Variants in LIMCH1 observed in about 807,000 individuals in gnomAD.
The protein encoded by LIMCH1 is LIM and calponin homology domains-containing protein 1.
LIMCH1 carries 113 observed loss-of-function variants against 176.5 expected under a neutral mutation model. The observed-to-expected ratio is 0.64, with a 90% CI of 0.55 to 0.75. The LOEUF is 0.75. Among genes scored for constraint, LIMCH1 ranks in the 30% least tolerant of loss-of-function variants. The pLI is 0.00. For synonymous variants in LIMCH1, 619 were observed against 645.9 expected (o/e 0.96, Z 0.63); for missense variants, 1,674 against 1,814.9 (o/e 0.92, Z 1.41).
intron 1 of LIMCH1, among the ~76,000 whole-genome samples, chr4:41,384,452 C>T (rs1302536354): frequency 1.3e-5 from 2 of 152,110 alleles, no homozygotes; most frequent in Admixed American, 1.3e-4. Context: ...TGGTGATCCA[C>T]CCGCCTCGGC....
chr4:41,524,553 T>C, intron 3 of LIMCH1: 1 of 1,057,452 alleles, frequency 9.5e-7, no homozygotes, highest in Non-Finnish European at 1.5e-6. Context: ...GCACCATTTA[T>C]TACAGTTCTC....
At chr4:41,389,306 GC>G (rs1179249321) in intron 1 of LIMCH1, 4 of 152,366 alleles carry the variant, frequency 2.6e-5, no homozygotes, top group African/African-American at 9.7e-5. Context: ...AACTGATAAG[GC>G]CCAATTTGAG....
rs563146147 is a variant in LIMCH1, at chr4:41,661,436, C to T, written c.3053C>T (p.Thr1018Met). 22 of 1,610,618 alleles carry T rather than the reference C, an allele frequency of 1.4e-5. No individual in the cohort carries two copies. The South Asian group carries it at 1.5e-4, about 11-fold the overall frequency. ...PQELAATTEK[T>M]EPNSQEDKND... ...CTTTTTCAGGCAACCACTGAGAAAA[C>T]GGAACCGAATAGTCAAGAGGACAAG... is the stretch of plus-strand genomic sequence containing the variant. Residue 1018 changes from threonine (T) to methionine (M), a missense_variant, in exon 19 of 32, where the codon ACG (threonine) becomes ATG (methionine). Thr to Met is a moderately conservative substitution (Grantham distance 81, BLOSUM62 -1). Coordinates refer to ENST00000503057, the MANE Select transcript of LIMCH1 (RefSeq NM_001330672.2).
chr4:41,672,436 A>G (rs987240511), intron 22 of LIMCH1, among the ~76,000 whole-genome samples: 6 of 152,220 alleles, frequency 3.9e-5, no homozygotes, highest in Admixed American at 1.3e-4. Context: ...TTCTATAGAT[A>G]CATTTTTTTA....
intron 1 of LIMCH1, among the ~76,000 whole-genome samples, chr4:41,453,150 G>A (rs952252997): frequency 3.9e-5 from 6 of 152,164 alleles, no homozygotes; most frequent in Admixed American, 1.3e-4. Flanking sequence ...CCCCACACCT[G>A]CCCCAGTGCT....
intron 4 of LIMCH1, among the ~76,000 whole-genome samples, chr4:41,610,308 C>T (rs1041285520): frequency 6.6e-6 from 1 of 152,160 alleles, no homozygotes; most frequent in Non-Finnish European, 1.5e-5. Flanking sequence ...AATGGCTGCA[C>T]CAAGGAACTT....
chr4:41,360,800 CG>C lies in LIMCH1; in HGVS notation c.-40del. ...CTCCTGCGGCGGCGACGGCGGCGGC[CG>C]TCCTCATCCCGGCGCTTGAGAGGAC... On this transcript the variant is annotated 5_prime_UTR_variant, in exon 1 of 27. Coordinates refer to the LIMCH1 transcript ENST00000313860. The surrounding 1 kb of genome is among the most constrained non-coding windows in gnomAD (Gnocchi z 4.5). 1 of 1,460,478 alleles carries C rather than the reference CG, an allele frequency of 6.8e-7. No homozygotes were observed. The highest frequency in any genetic ancestry group is 9.2e-7 in the Non-Finnish European group (1 of 1,090,894). The allele number at this position is 1,460,478 out of a possible 1,614,324, so 90.5% of individuals were successfully genotyped here.
intron 22 of LIMCH1, among the ~76,000 whole-genome samples, chr4:41,675,640 G>A (rs1010448500): frequency 3.9e-5 from 6 of 152,008 alleles, no homozygotes; most frequent in Admixed American, 3.3e-4. Flanking sequence ...CTGGGGGCAG[G>A]CTGTGATTTC....
intron 1 of LIMCH1, among the ~76,000 whole-genome samples, chr4:41,390,524 A>G (rs1198435885): frequency 2.0e-5 from 3 of 152,222 alleles, no homozygotes; most frequent in African/African-American, 7.2e-5. Context: ...GGGTTGCCAG[A>G]TTTAGCAAAG....
chr4:41,644,756 C>T (rs975685076), intron 15 of LIMCH1, 130 bp downstream of exon 15: 8 of 1,127,090 alleles, frequency 7.1e-6, no homozygotes, highest in African/African-American at 3.2e-5. Context: ...AAAGGTGACA[C>T]GGTAAATGTG....
intron 8 of LIMCH1, among the ~76,000 whole-genome samples, chr4:41,629,207 A>G (rs894100049): frequency 2.6e-5 from 4 of 152,210 alleles, no homozygotes; most frequent in African/African-American, 9.6e-5. Context: ...TCTCATTACC[A>G]TTAGTAATCT....
intron 1 of LIMCH1, among the ~76,000 whole-genome samples, chr4:41,391,999 A>ATT (rs34737276): frequency 2.0e-5 from 3 of 152,076 alleles, no homozygotes; most frequent in Admixed American, 6.5e-5. Flanking sequence ...TTCCAAAATA[A>ATT]TTTTTTTAAA....
At chr4:41,656,175 A>C (rs572715658) in intron 18 of LIMCH1, among the ~76,000 whole-genome samples, 1 of 152,204 alleles carries the variant, frequency 6.6e-6, no homozygotes, top group Admixed American at 6.5e-5. Flanking sequence ...TTGAAAATTC[A>C]GTACTTATGT....
At chr4:41,671,397 A>AACACACACACACACAC (rs141018823) in intron 21 of LIMCH1, among the ~76,000 whole-genome samples, 157 bp from the exon 22 acceptor site, 144 of 137,580 alleles carry the variant, frequency 1.0e-3, no homozygotes, top group African/African-American at 2.4e-3. Flanking sequence ...TGACTTACCA[A>AACACACACACACACAC]ACACACACAC....
At chr4:41,643,053 G>A (rs958283995) in intron 14 of LIMCH1, among the ~76,000 whole-genome samples, 7 of 152,210 alleles carry the variant, frequency 4.6e-5, no homozygotes, top group African/African-American at 1.7e-4. Context: ...TACAAGTACA[G>A]TTTTTCAGTT....
intron 1 of LIMCH1, among the ~76,000 whole-genome samples, chr4:41,433,000 G>C (rs2061734125): frequency 6.6e-6 from 1 of 152,182 alleles, no homozygotes; most frequent in Non-Finnish European, 1.5e-5. Context: ...GCATTCTTGA[G>C]GAATTTTCTC....
chr4:41,481,047 AGTCTGT>A (rs1241367067), intron 1 of LIMCH1, among the ~76,000 whole-genome samples: 1 of 151,400 alleles, frequency 6.6e-6, no homozygotes, highest in Non-Finnish European at 1.5e-5. Context: ...AGACTCTGTC[AGTCTGT>A]GTCTATAAAC....
chr4:41,438,055 C>T (rs2062278389), intron 1 of LIMCH1, among the ~76,000 whole-genome samples: 2 of 152,202 alleles, frequency 1.3e-5, no homozygotes. Context: ...TGTTTTATTG[C>T]AGGATAGCTG....
At position 41,360,803 on chromosome 4, in the gene LIMCH1, C is replaced by G. The variant is rs1029137151; in HGVS notation, c.-38C>G. On this transcript the variant is annotated 5_prime_UTR_variant, in exon 1 of 27. Transcript: ENST00000313860. This position sits in a 1 kb window ranked among gnomAD's most constrained non-coding sequence, Gnocchi z 4.5. ...CTGCGGCGGCGACGGCGGCGGCCGT[C>G]CTCATCCCGGCGCTTGAGAGGACGC... is the stretch of plus-strand genomic sequence containing the variant. The G allele has an allele frequency of 6.8e-7, 1 of 1,481,316 alleles. No individual in the cohort carries two copies. The highest frequency in any genetic ancestry group is 1.5e-5 in the African/African-American group (1 of 68,520). 91.8% of individuals were successfully genotyped at this position (1,481,316 alleles called of 1,614,324 possible).
Sources: gnomAD v4.1 joint callset for allele counts (sites outside exome capture counted in the v4.1 genomes callset) on GRCh38, gnomAD v4.1.1 for gene constraint, Gnocchi (gnomAD v3.1) non-coding constraint, MANE v1.5 for transcripts, NCBI Gene and HGNC (gene_info 2026-07-23, HGNC 2026-07-21) for gene names.